RNF146: variants seen among roughly 807,000 people sequenced by gnomAD.
RNF146 encodes ring finger protein 146.
RNF146 carries 11 observed loss-of-function variants against 29.7 expected under a neutral mutation model. The observed-to-expected ratio is 0.37, with a 90% CI of 0.23 to 0.61. The LOEUF (loss-of-function observed/expected upper bound fraction) is 0.61. RNF146 is among the 20% of genes least tolerant of loss of function. The pLI is 0.66. For synonymous variants in RNF146, 150 were observed against 159.7 expected (o/e 0.94, Z 0.46); for missense variants, 342 against 438.9 (o/e 0.78, Z 1.97).
intron 1 of RNF146, among the ~76,000 whole-genome samples, chr6:127,274,154 TCTC>T (rs995048423): frequency 6.6e-6 from 1 of 152,120 alleles, no homozygotes; most frequent in Non-Finnish European, 1.5e-5. Context: ...AGAGAATGCA[TCTC>T]CTTGAATTAA....
chr6:127,287,406 G>A lies in RNF146; in HGVS notation c.793G>A (p.Glu265Lys). Residue 265 changes from glutamate (E) to lysine (K), a missense_variant, in exon 3 of 3, where the codon GAA (glutamate) becomes AAA (lysine). Physicochemically the swap from Glu to Lys is moderately conservative, Grantham distance 56. Coordinates refer to ENST00000368314, the MANE Select transcript of RNF146 (RefSeq NM_001242850.2). ...CACAGCTGAAAGGAGTCATAGGGGA[G>A]AAGGAGAAGAAGATCATGAATCACC... ...DNTAERSHRGEGEEDHESPSS... is the reference protein window; with the variant it reads ...DNTAERSHRGKGEEDHESPSS... 1 of 1,613,502 alleles carries A rather than the reference G, an allele frequency of 6.2e-7. No individual in the cohort carries two copies. The highest frequency in any genetic ancestry group is 8.5e-7 in the Non-Finnish European group (1 of 1,179,644).
At position 127,286,839 on chromosome 6, in the gene RNF146, C is replaced by A; in HGVS notation, c.226C>A (p.Gln76Lys). ...WLGKRCALCR[Q>K]EIPEDFLDKP... ...TGGAAAGCGGTGTGCTCTTTGTCGA[C>A]AAGAAATTCCCGAGGATTTCCTTGA... is the stretch of plus-strand genomic sequence containing the variant. Residue 76 changes from glutamine to lysine, a missense_variant, in exon 3 of 3, where the codon CAA (glutamine) becomes AAA (lysine). Coordinates refer to ENST00000368314, the MANE Select transcript of RNF146 (RefSeq NM_001242850.2). The surrounding 1 kb of genome is among the most constrained non-coding windows in gnomAD (Gnocchi z 4.6). 1 of 1,613,132 alleles carries A rather than the reference C, an allele frequency of 6.2e-7. No homozygotes were observed.
At position 127,273,912 on chromosome 6, in the gene RNF146, G is replaced by C. The variant is rs778027482; in HGVS notation, c.-108-6319G>C. 2.6e-5 allele frequency among the ~76,000 whole-genome samples: 4 copies of C among 152,130 alleles called. 1 individual carries two copies. Among genetic ancestry groups the C allele is most frequent in the Non-Finnish European group, 5.9e-5 (4 of 67,976 alleles). On this transcript the variant is annotated intron_variant, in intron 1 of 2. Transcript: ENST00000368314. ...ACTGCTGAACATAACTGGACTAGAG[G>C]AGTGTAATGAGGGCAAGGATGTTCT...
chr6:127,266,921 G>C lies in RNF146; in HGVS notation c.-113G>C, dbSNP rs1358028603. ...TGCGAGGTGGCCGCAGCTGTGGCCG[G>C]AGAGGTGGGAGTCGGAGCGAGGCCC... is the stretch of plus-strand genomic sequence containing the variant. On this transcript the variant is annotated 5_prime_UTR_variant, in exon 1 of 3. Coordinates refer to ENST00000368314, the MANE Select transcript of RNF146 (RefSeq NM_001242850.2). The C allele has an allele frequency of 6.6e-6, 1 of 152,334 alleles. No individual in the cohort carries two copies. Among genetic ancestry groups the C allele is most frequent in the Non-Finnish European group, 1.5e-5 (1 of 68,028 alleles). The allele number at this position is 152,334 out of a possible 1,614,324, so 9.4% of individuals were successfully genotyped here.
chr6:127,280,457 C>CT, intron 2 of RNF146, 117 bp downstream of exon 2: 3 of 1,369,834 alleles, frequency 2.2e-6, no homozygotes, highest in Non-Finnish European at 1.9e-6. Context: ...TGAGCATTTT[C>CT]TTTTGACTTA....
At chr6:127,279,158 C>T (rs1778620942) in intron 1 of RNF146, among the ~76,000 whole-genome samples, 1 of 151,852 alleles carries the variant, frequency 6.6e-6, no homozygotes, top group Non-Finnish European at 1.5e-5. Context: ...TCCTATGTTT[C>T]TCATGCTTTT....
chr6:127,267,337 G>T (rs1250312443), intron 1 of RNF146, among the ~76,000 whole-genome samples: 2 of 152,212 alleles, frequency 1.3e-5, no homozygotes, highest in African/African-American at 4.8e-5. Flanking sequence ...TTCCGCCTGA[G>T]CCCGCTTCGC....
chr6:127,266,762 G>A (rs1036651141), upstream of RNF146: 2 of 152,068 alleles, frequency 1.3e-5, no homozygotes, highest in Non-Finnish European at 2.9e-5. Context: ...ACGATGAGGC[G>A]CCGGAGTTAG....
In RNF146 at chr6:127,270,950, G is replaced by A. The variant is rs868200073; in HGVS notation, c.-109+4025G>A. Among the ~76,000 whole-genome samples the A allele has an allele frequency of 4.0e-5, 6 of 151,754 alleles. No homozygotes were observed. In the South Asian group the frequency reaches 1.3e-3, roughly 32 times the overall value. ...CCTGCCTCAGCCTCCCAATTAGCTG[G>A]GACTACAGGTGTGCGCCACCATGCC... On this transcript the variant is annotated intron_variant, in intron 1 of 2. Coordinates refer to ENST00000368314, the MANE Select transcript of RNF146 (RefSeq NM_001242850.2).
Position 127,286,602 on chromosome 6 carries a change from G to A in RNF146, c.3-14G>A. The A allele has an allele frequency of 6.3e-7, 1 of 1,589,274 alleles. No homozygotes were observed. Among genetic ancestry groups the A allele is most frequent in the Non-Finnish European group, 8.6e-7 (1 of 1,167,564 alleles). ...TTAAAACATGACTTTAATATTATAT[G>A]TATTTTTTCTTAGGATGGCTGGCTG... On this transcript the variant is annotated splice_polypyrimidine_tract_variant and intron_variant, in intron 2 of 2. Coordinates refer to ENST00000368314, the MANE Select transcript of RNF146 (RefSeq NM_001242850.2). The surrounding 1 kb of genome is among the most constrained non-coding windows in gnomAD (Gnocchi z 4.6).
At chr6:127,278,313 C>CT (rs67358768) in intron 1 of RNF146, among the ~76,000 whole-genome samples, 21,457 of 151,704 alleles carry the variant, frequency 0.14, 2,972 homozygotes, top group East Asian at 0.57. Flanking sequence ...TTTTCCACAA[C>CT]TTTTTTTTAG....
At chr6:127,270,089 C>T (rs561732848) in intron 1 of RNF146, among the ~76,000 whole-genome samples, 1 of 152,070 alleles carries the variant, frequency 6.6e-6, no homozygotes, top group East Asian at 1.9e-4. Flanking sequence ...AAACTCTTGA[C>T]TTTGATCTTG....
chr6:127,286,012 A>T lies in RNF146; in HGVS notation c.3-604A>T, dbSNP rs1259880301. 1.6e-6 allele frequency: 2 copies of T among 1,221,070 alleles called. No homozygotes were observed. The highest frequency in any genetic ancestry group is 1.6e-5 in the African/African-American group (1 of 64,192). The allele number at this position is 1,221,070 out of a possible 1,614,324, so 75.6% of individuals were successfully genotyped here. A position where few individuals can be genotyped will look rare whatever the true frequency, so the allele number is the denominator to read the frequency against. On this transcript the variant is annotated intron_variant, in intron 2 of 2. Coordinates refer to ENST00000368314, the MANE Select transcript of RNF146 (RefSeq NM_001242850.2). The surrounding 1 kb of genome is among the most constrained non-coding windows in gnomAD (Gnocchi z 4.6). ...TTATGTCAGTGTTTAAGCTAGATAC[A>T]TCCAATTTGACAAATCTTTTTTCTT...
intron 1 of RNF146, among the ~76,000 whole-genome samples, chr6:127,279,118 A>G (rs1444872568): frequency 6.6e-6 from 1 of 151,934 alleles, no homozygotes; most frequent in East Asian, 1.9e-4. Flanking sequence ...ATGCACAAAA[A>G]TTTTAAACTT....
At chr6:127,267,470 A>T (rs530282449) in intron 1 of RNF146, among the ~76,000 whole-genome samples, 1 of 152,200 alleles carries the variant, frequency 6.6e-6, no homozygotes, top group South Asian at 2.1e-4. Context: ...AGCCTGCTCC[A>T]TGTTTTCCCG....
At chr6:127,277,244 C>T (rs1333746247) in intron 1 of RNF146, among the ~76,000 whole-genome samples, 1 of 151,832 alleles carries the variant, frequency 6.6e-6, no homozygotes. Flanking sequence ...TCCTCCTGTC[C>T]TATATATAGG....
chr6:127,271,111 G>A (rs1469624795), intron 1 of RNF146, among the ~76,000 whole-genome samples: 1 of 152,056 alleles, frequency 6.6e-6, no homozygotes, highest in Non-Finnish European at 1.5e-5. Context: ...ACCGCACCTG[G>A]CCTCCTTACG....
At chr6:127,285,186 A>T (rs1779355841) in intron 2 of RNF146, 1 of 984,800 alleles carries the variant, frequency 1.0e-6, no homozygotes. Context: ...TTAAAAACTT[A>T]CTGTGTTGCT....
intron 1 of RNF146, among the ~76,000 whole-genome samples, chr6:127,269,145 C>T (rs1307834802): frequency 6.6e-6 from 1 of 152,206 alleles, no homozygotes; most frequent in Non-Finnish European, 1.5e-5. Context: ...TTATGTAACA[C>T]TTGGCTACAA....
Sources: gnomAD v4.1 joint callset for allele counts (sites outside exome capture counted in the v4.1 genomes callset) on GRCh38, gnomAD v4.1.1 for gene constraint, Gnocchi (gnomAD v3.1) non-coding constraint, MANE v1.5 for transcripts, NCBI Gene and HGNC (gene_info 2026-07-23, HGNC 2026-07-21) for gene names.